The following WWP2 variants were observed in gnomAD, a reference collection of about 807,000 sequenced individuals.
WWP2 encodes the protein NEDD4-like E3 ubiquitin-protein ligase WWP2.
Under a neutral mutation model 121.0 loss-of-function variants are expected in WWP2, and 57 were observed. The observed-to-expected ratio is 0.47, with a 90% CI of 0.38 to 0.59. The LOEUF (loss-of-function observed/expected upper bound fraction) is 0.59. Among genes scored for constraint, WWP2 ranks in the 20% least tolerant of loss-of-function variants. The probability of loss-of-function intolerance (pLI) is 0.00; values close to 1 mark genes in which losing one functional copy is unlikely to be tolerated. For missense variants in WWP2, 962 were observed against 1,158.9 expected, an observed-to-expected ratio of 0.83 and a Z score of 2.47; for synonymous variants, 449 against 441.3, an observed-to-expected ratio of 1.02 and a Z score of -0.22.
chr16:69,768,952 G>A (rs1166444265), intron 1 of WWP2, among the ~76,000 whole-genome samples: 3 of 152,236 alleles, frequency 2.0e-5, no homozygotes, highest in African/African-American at 7.2e-5. Context: ...AGAAGCATTA[G>A]TGTTGGAGTA....
At chr16:69,878,495 A>G (rs915597715) in intron 7 of WWP2, among the ~76,000 whole-genome samples, 16 of 152,222 alleles carry the variant, frequency 1.1e-4, no homozygotes, top group Non-Finnish European at 1.9e-4. Context: ...ATTATGCAGC[A>G]TGAATATATA....
chr16:69,780,479 T>C (rs2055641592), intron 1 of WWP2, among the ~76,000 whole-genome samples: 2 of 152,210 alleles, frequency 1.3e-5, no homozygotes, highest in Admixed American at 1.3e-4. Flanking sequence ...GGAGAATTTC[T>C]CCCTCTGCAA....
Position 69,941,212 on chromosome 16 carries a change from T to G in WWP2, c.*1272T>G, listed in dbSNP as rs2058875859. The G allele has an allele frequency of 6.6e-6, 1 of 152,148 alleles. No homozygotes were observed. The highest frequency in any genetic ancestry group is 1.5e-5 in the Non-Finnish European group (1 of 68,024). 9.4% of individuals were successfully genotyped at this position (152,148 alleles called of 1,614,324 possible). ...CTGCCGTAACTGGAATCTTCATAGGTCATATTGAAATCTTCAAGGTGACCA... is the reference window on the plus strand; with the variant it reads ...CTGCCGTAACTGGAATCTTCATAGGGCATATTGAAATCTTCAAGGTGACCA... On this transcript the variant is annotated 3_prime_UTR_variant, in exon 24 of 24. Transcript: ENST00000359154.
intron 5 of WWP2, 102 bp from the exon 6 acceptor site, chr16:69,841,922 A>T: frequency 8.5e-7 from 1 of 1,177,780 alleles, no homozygotes; most frequent in Non-Finnish European, 1.2e-6. Flanking sequence ...GTGGTGGGCA[A>T]CTCTAACACA....
Position 69,798,780 on chromosome 16 carries a change from G to C in WWP2, c.169G>C (p.Gly57Arg). The stretch of plus-strand genomic sequence containing the variant: ...ACTCCCCAGTGAGACCAAGAAGACT[G>C]GGAAGCGCATTGGGAGCTCTGAGCT... ...DGLPSETKKT[G>R]KRIGSSELLW... is the part of the protein sequence containing the mutation. Residue 57 changes from glycine (G) to arginine (R), a missense_variant, in exon 3 of 24, where the codon GGG becomes CGG. Physicochemically the swap from Gly to Arg is moderately radical, Grantham distance 125. This residue lies in a region of WWP2 where 145 missense variants were observed against 189.8 expected (regional missense o/e 0.76). Transcript: ENST00000359154. 6.2e-7 allele frequency: 1 copy of C among 1,614,082 alleles called. No individual in the cohort carries two copies. Among genetic ancestry groups the C allele is most frequent in the Middle Eastern group, 1.7e-4 (1 of 6,058 alleles).
chr16:69,915,502 C>G (rs1274143092), intron 9 of WWP2, among the ~76,000 whole-genome samples: 1 of 152,168 alleles, frequency 6.6e-6, no homozygotes, highest in African/African-American at 2.4e-5. Context: ...ATAGTTTGAG[C>G]CCAGCAGTTC....
chr16:69,884,383 G>A (rs1489087125), intron 7 of WWP2, among the ~76,000 whole-genome samples: 3 of 152,168 alleles, frequency 2.0e-5, no homozygotes, highest in Non-Finnish European at 4.4e-5. Context: ...CAGCACTTTG[G>A]GAGGCTGAGG....
intron 11 of WWP2, among the ~76,000 whole-genome samples, chr16:69,928,395 G>T (rs1198716953): frequency 6.6e-6 from 1 of 151,958 alleles, no homozygotes; most frequent in Non-Finnish European, 1.5e-5. Flanking sequence ...GAGCTGAGAG[G>T]TTATCCCTTT....
At chr16:69,912,607 T>TA (rs1467966820) in intron 9 of WWP2, among the ~76,000 whole-genome samples, 1 of 151,972 alleles carries the variant, frequency 6.6e-6, no homozygotes, top group Non-Finnish European at 1.5e-5. Context: ...GGGAAAGTGA[T>TA]AGTCTAAGAG....
intron 18 of WWP2, 88 bp downstream of exon 18, chr16:69,936,074 G>T: frequency 3.9e-6 from 6 of 1,554,054 alleles, no homozygotes; most frequent in Non-Finnish European, 1.7e-6. Flanking sequence ...TATTTTGTCT[G>T]CCAGTGTGGC....
In WWP2 at chr16:69,842,132, C is replaced by T. The variant is rs938683535; in HGVS notation, c.575+12C>T. ...GGTGGAAGATCCCGGTAAGACCCCC[C>T]TTGGTGAGGACAAAGAGCTAAGAAG... On this transcript the variant is annotated intron_variant, in intron 6 of 23. Coordinates refer to ENST00000359154, the MANE Select transcript of WWP2 (RefSeq NM_001270454.2). The T allele has an allele frequency of 2.5e-6, 4 of 1,610,062 alleles. No homozygotes were observed. In the African/African-American group the frequency reaches 5.3e-5, roughly 22 times the overall value.
Position 69,825,703 on chromosome 16 carries a change from G to A in WWP2, c.341-14423G>A, listed in dbSNP as rs1436322068. On this transcript the variant is annotated intron_variant, in intron 4 of 23. Transcript: ENST00000359154. ...TGTAGTGGTGCGATCACAGCTCACT[G>A]CAGCCTTGACCTCCTGGGCTCAAGT... 3.4e-4 allele frequency among the ~76,000 whole-genome samples: 50 copies of A among 147,066 alleles called. No individual in the cohort carries two copies. In the Admixed American group the frequency reaches 3.5e-3, roughly 10 times the overall value.
chr16:69,856,360 T>C (rs559358339), intron 6 of WWP2, among the ~76,000 whole-genome samples: 13 of 152,206 alleles, frequency 8.5e-5, no homozygotes, highest in Non-Finnish European at 1.9e-4. Flanking sequence ...GAATGTTCTA[T>C]GTCTCAGTTG....
chr16:69,869,876 T>A (rs1326473899), intron 6 of WWP2, among the ~76,000 whole-genome samples: 2 of 152,232 alleles, frequency 1.3e-5, no homozygotes, highest in Non-Finnish European at 2.9e-5. Flanking sequence ...CTCAACACAC[T>A]GGACCAAAGA....
At chr16:69,834,953 C>T (rs1291482022) in intron 4 of WWP2, among the ~76,000 whole-genome samples, 1 of 152,032 alleles carries the variant, frequency 6.6e-6, no homozygotes, top group Non-Finnish European at 1.5e-5. Flanking sequence ...CAGATTTTTG[C>T]CCATCTTGTT....
At chr16:69,810,197 T>G (rs1294497951) in intron 4 of WWP2, among the ~76,000 whole-genome samples, 1 of 152,226 alleles carries the variant, frequency 6.6e-6, no homozygotes, top group Non-Finnish European at 1.5e-5. Context: ...GAAACTCAGC[T>G]GGCTGTTTTC....
chr16:69,831,233 T>C (rs1330544657), intron 4 of WWP2, among the ~76,000 whole-genome samples: 1 of 152,240 alleles, frequency 6.6e-6, no homozygotes. Context: ...TCCTATCATT[T>C]GTATTCTGAA....
chr16:69,905,238 A>G (rs1383056577), intron 8 of WWP2, among the ~76,000 whole-genome samples: 2 of 152,154 alleles, frequency 1.3e-5, no homozygotes, highest in East Asian at 3.9e-4. Flanking sequence ...TATTTTGTCT[A>G]ATGTTTGTCT....
intron 6 of WWP2, among the ~76,000 whole-genome samples, chr16:69,846,960 C>A (rs1402976190): frequency 6.6e-6 from 1 of 152,118 alleles, no homozygotes; most frequent in African/African-American, 2.4e-5. Flanking sequence ...GTGGCTCACC[C>A]ACAGCTCACT....
Sources: allele counts gnomAD v4.1 joint callset (sites outside exome capture counted in the v4.1 genomes callset), GRCh38; gene constraint gnomAD v4.1.1; regional missense constraint gnomAD v4.1.1; transcripts MANE v1.5; gene names NCBI Gene and HGNC (gene_info 2026-07-23, HGNC 2026-07-21).